ZNF804A: variants seen among roughly 807,000 people sequenced by gnomAD.
ZNF804A encodes the protein zinc finger protein 804A.
ZNF804A carries 2 observed loss-of-function variants against 16.5 expected under a neutral mutation model. The ratio of observed to expected loss-of-function variants is 0.12; its 90% confidence interval spans 0.05 to 0.38. The LOEUF is 0.38. Among genes scored for constraint, ZNF804A ranks in the 10% least tolerant of loss-of-function variants. The probability of loss-of-function intolerance (pLI) is 0.99; values close to 1 mark genes in which losing one functional copy is unlikely to be tolerated. For synonymous variants in ZNF804A, 534 were observed against 489.6 expected, an observed-to-expected ratio of 1.09 and a Z score of -1.20; for missense variants, 1,473 against 1,390.7, an observed-to-expected ratio of 1.06 and a Z score of -0.94.
At chr2:184,924,526 T>C (rs752371574) in intron 2 of ZNF804A, among the ~76,000 whole-genome samples, 1 of 151,702 alleles carries the variant, frequency 6.6e-6, no homozygotes, top group Non-Finnish European at 1.5e-5. Context: ...TTCATTGATG[T>C]TTTGTATTGT....
intron 1 of ZNF804A, among the ~76,000 whole-genome samples, chr2:184,642,945 T>C (rs1292804759): frequency 6.6e-6 from 1 of 152,136 alleles, no homozygotes; most frequent in Non-Finnish European, 1.5e-5. Context: ...TACGTGTTAA[T>C]TGATATGAAC....
At chr2:184,654,315 C>A (rs1019455344) in intron 1 of ZNF804A, among the ~76,000 whole-genome samples, 1 of 152,112 alleles carries the variant, frequency 6.6e-6, no homozygotes, top group Non-Finnish European at 1.5e-5. Context: ...AGAGACAGTA[C>A]ATCATATGTG....
intron 1 of ZNF804A, among the ~76,000 whole-genome samples, chr2:184,840,869 T>C (rs1695426290): frequency 6.6e-6 from 1 of 152,154 alleles, no homozygotes; most frequent in South Asian, 2.1e-4. Context: ...ACATAGACCC[T>C]AGGTATCGAC....
At chr2:184,849,245 C>T (rs1045493238) in intron 1 of ZNF804A, among the ~76,000 whole-genome samples, 19 of 151,904 alleles carry the variant, frequency 1.3e-4, no homozygotes, top group Admixed American at 3.3e-4. Flanking sequence ...CAGTATGGAG[C>T]GGGATTTTGC....
At chr2:184,738,710 A>G (rs1693670686) in intron 1 of ZNF804A, among the ~76,000 whole-genome samples, 1 of 152,214 alleles carries the variant, frequency 6.6e-6, no homozygotes, top group South Asian at 2.1e-4. Flanking sequence ...GAAAAGATTC[A>G]TTCTAAGATA....
intron 1 of ZNF804A, among the ~76,000 whole-genome samples, chr2:184,720,808 T>G (rs922004102): frequency 6.6e-6 from 1 of 152,076 alleles, no homozygotes; most frequent in Non-Finnish European, 1.5e-5. Context: ...AAAGCAATCC[T>G]GACTAGAAAG....
At chr2:184,649,140 T>G (rs566592717) in intron 1 of ZNF804A, among the ~76,000 whole-genome samples, 14 of 152,180 alleles carry the variant, frequency 9.2e-5, no homozygotes, top group Non-Finnish European at 5.9e-5. Flanking sequence ...CTCAAAACCG[T>G]GAAATTACAT....
intron 1 of ZNF804A, among the ~76,000 whole-genome samples, chr2:184,737,849 C>A (rs115369547): frequency 6.6e-6 from 1 of 152,010 alleles, no homozygotes; most frequent in East Asian, 1.9e-4. Flanking sequence ...TCTGTCCAGG[C>A]GCAGTGGCTT....
At chr2:184,696,242 A>G (rs1281754951) in intron 1 of ZNF804A, among the ~76,000 whole-genome samples, 2 of 152,192 alleles carry the variant, frequency 1.3e-5, no homozygotes, top group Non-Finnish European at 2.9e-5. Flanking sequence ...TGGGTTTAAA[A>G]AAACAAAAGA....
At chr2:184,628,296 G>A (rs1253909693) in intron 1 of ZNF804A, among the ~76,000 whole-genome samples, 1 of 151,724 alleles carries the variant, frequency 6.6e-6, no homozygotes, top group Non-Finnish European at 1.5e-5. Flanking sequence ...CTGGGCAACA[G>A]GAGTGAAACC....
At chr2:184,606,447 A>C (rs926960181) in intron 1 of ZNF804A, among the ~76,000 whole-genome samples, 7 of 152,134 alleles carry the variant, frequency 4.6e-5, no homozygotes, top group African/African-American at 1.7e-4. Flanking sequence ...TGATCCAGTC[A>C]CTTCCCTCCC....
intron 2 of ZNF804A, among the ~76,000 whole-genome samples, chr2:184,907,002 G>T (rs1053407549): frequency 4.6e-5 from 7 of 152,154 alleles, no homozygotes; most frequent in Admixed American, 2.0e-4. Flanking sequence ...AAGAAAACAG[G>T]TATCTCAGAC....
chr2:184,625,676 T>C (rs2105682934), intron 1 of ZNF804A, among the ~76,000 whole-genome samples: 1 of 152,286 alleles, frequency 6.6e-6, no homozygotes, highest in East Asian at 1.9e-4. Context: ...TGGATTATTT[T>C]ATAGTAACAG....
At chr2:184,711,674 T>A (rs577119172) in intron 1 of ZNF804A, among the ~76,000 whole-genome samples, 152 of 151,870 alleles carry the variant, frequency 1.0e-3, no homozygotes, top group Middle Eastern at 6.8e-3. Context: ...AAGAGAAGCA[T>A]CCAATTTTAT....
chr2:184,873,544 G>A (rs997498967), intron 2 of ZNF804A, among the ~76,000 whole-genome samples: 13 of 152,168 alleles, frequency 8.5e-5, no homozygotes, highest in African/African-American at 3.1e-4. Context: ...TTAACTGCAT[G>A]TAATATGATA....
At chr2:184,843,505 C>T (rs1471108364) in intron 1 of ZNF804A, among the ~76,000 whole-genome samples, 1 of 151,972 alleles carries the variant, frequency 6.6e-6, no homozygotes, top group African/African-American at 2.4e-5. Context: ...AACTCCTGAC[C>T]TCAGGTGATC....
chr2:184,746,587 A>G (rs1424219367), intron 1 of ZNF804A, among the ~76,000 whole-genome samples: 2 of 151,446 alleles, frequency 1.3e-5, no homozygotes, highest in African/African-American at 4.8e-5. Context: ...TAAACTGTGC[A>G]TTACATTATT....
chr2:184,895,396 T>G (rs1256145247), intron 2 of ZNF804A, among the ~76,000 whole-genome samples: 1 of 152,234 alleles, frequency 6.6e-6, no homozygotes, highest in South Asian at 2.1e-4. Flanking sequence ...GGAATTATTG[T>G]TATGAACAAA....
At chr2:184,607,582 TC>T (rs966802851) in intron 1 of ZNF804A, among the ~76,000 whole-genome samples, 2 of 151,200 alleles carry the variant, frequency 1.3e-5, no homozygotes, top group African/African-American at 2.4e-5. Context: ...TCCCACCAGG[TC>T]CCCCCCTTCC....
Sources: gnomAD v4.1 joint callset for allele counts (sites outside exome capture counted in the v4.1 genomes callset) on GRCh38, gnomAD v4.1.1 for gene constraint, MANE v1.5 for transcripts, NCBI Gene and HGNC (gene_info 2026-07-23, HGNC 2026-07-21) for gene names.